The following ZEB2 variants were observed in gnomAD, a reference collection of about 807,000 sequenced individuals.
The protein encoded by ZEB2 is zinc finger E-box-binding homeobox 2.
Under a neutral mutation model 99.9 loss-of-function variants are expected in ZEB2, and 6 were observed. The ratio of observed to expected loss-of-function variants is 0.06; its 90% CI spans 0.03 to 0.12. The LOEUF (loss-of-function observed/expected upper bound fraction) is 0.12. Ranked by LOEUF, ZEB2 falls within the 10% of genes least tolerant of loss-of-function variation. The probability of loss-of-function intolerance (pLI) is 1.00; values close to 1 mark genes in which losing one functional copy is unlikely to be tolerated. For missense variants in ZEB2, 969 were observed against 1,502.8 expected, an observed-to-expected ratio of 0.64 and a Z score of 5.87; for synonymous variants, 517 against 542.5, an observed-to-expected ratio of 0.95 and a Z score of 0.65.
intron 2 of ZEB2, among the ~76,000 whole-genome samples, chr2:144,455,394 T>C (rs1704108246): frequency 6.6e-6 from 1 of 152,162 alleles, no homozygotes; most frequent in Non-Finnish European, 1.5e-5. Flanking sequence ...TGCAGCTCCA[T>C]AGTAATGTAG....
intron 2 of ZEB2, chr2:144,512,366 C>G: frequency 7.8e-7 from 1 of 1,287,238 alleles, no homozygotes; most frequent in Non-Finnish European, 1.0e-6. Context: ...ATAAACGCGG[C>G]ACTGCTAGAG....
In ZEB2 at chr2:144,511,841, C is replaced by A. The variant is rs753658676; in HGVS notation, c.73+5437G>T. ...TAGGGCTATATTTATTGGTTTAAAT[C>A]ATCCTTCCCTCTGCTCTGAATTATT... is the stretch of plus-strand genomic sequence containing the variant. On this transcript the variant is annotated intron_variant, in intron 2 of 9. Transcript: ENST00000627532. 21 of 1,287,190 alleles carry A rather than the reference C, an allele frequency of 1.6e-5. No individual in the cohort carries two copies. In the South Asian group the frequency reaches 2.5e-4, roughly 15 times the overall value. The allele number at this position is 1,287,190 out of a possible 1,614,324, so 79.7% of individuals were successfully genotyped here.
chr2:144,502,770 A>C (rs1252787364), intron 2 of ZEB2, among the ~76,000 whole-genome samples: 1 of 152,180 alleles, frequency 6.6e-6, no homozygotes, highest in Non-Finnish European at 1.5e-5. Context: ...AGGGATTTTC[A>C]TAACAATTAT....
intron 6 of ZEB2, among the ~76,000 whole-genome samples, chr2:144,402,123 A>G (rs923734445): frequency 1.3e-5 from 2 of 152,200 alleles, no homozygotes; most frequent in African/African-American, 4.8e-5. Context: ...CTGAAAAGAC[A>G]AGTTAAAAGC....
At chr2:144,449,423 C>T (rs1322972588) in intron 2 of ZEB2, among the ~76,000 whole-genome samples, 2 of 152,184 alleles carry the variant, frequency 1.3e-5, no homozygotes, top group Admixed American at 6.5e-5. Flanking sequence ...CACAGCTCCC[C>T]CTTCCACTCC....
At chr2:144,444,971 A>T (rs1190295399) in intron 2 of ZEB2, 1 of 152,210 alleles carries the variant, frequency 6.6e-6, no homozygotes, top group Non-Finnish European at 1.5e-5. Flanking sequence ...TAATGATCTG[A>T]TCTCATTCTA....
chr2:144,491,358 A>G (rs1001069820), intron 2 of ZEB2, among the ~76,000 whole-genome samples: 1 of 69,736 alleles, frequency 1.4e-5, no homozygotes, highest in Non-Finnish European at 3.3e-5. Flanking sequence ...TTCTCAAGAG[A>G]AAAAAAAAAA....
At chr2:144,517,003 G>A (rs1413438494) in intron 2 of ZEB2, among the ~76,000 whole-genome samples, 4 of 149,792 alleles carry the variant, frequency 2.7e-5, no homozygotes, top group African/African-American at 9.7e-5. Context: ...GGGCTCGAGG[G>A]GGGCAGCGGG....
intron 2 of ZEB2, among the ~76,000 whole-genome samples, chr2:144,464,842 T>G (rs549327177): frequency 6.6e-6 from 1 of 152,344 alleles, no homozygotes; most frequent in African/African-American, 2.4e-5. Flanking sequence ...CTGTGACAGG[T>G]ACTTCTACCT....
chr2:144,406,961 A>C (rs998777771), intron 4 of ZEB2, among the ~76,000 whole-genome samples: 2 of 152,230 alleles, frequency 1.3e-5, no homozygotes, highest in Non-Finnish European at 2.9e-5. Flanking sequence ...CCTCAGATTC[A>C]TCTGGGAAAG....
At chr2:144,402,059 T>TAAA (rs1233577744) in intron 6 of ZEB2, among the ~76,000 whole-genome samples, 2 of 152,212 alleles carry the variant, frequency 1.3e-5, no homozygotes, top group African/African-American at 4.8e-5. Flanking sequence ...GACTTTTCAT[T>TAAA]TTCCTTTTTA....
intron 2 of ZEB2, among the ~76,000 whole-genome samples, chr2:144,482,544 T>C (rs1031600889): frequency 6.6e-6 from 1 of 152,236 alleles, no homozygotes. Context: ...CCTTAAAACA[T>C]CCCTTTCAAT....
intron 2 of ZEB2, among the ~76,000 whole-genome samples, chr2:144,440,509 ATATATATTTTTT>A (rs1269664705): frequency 9.0e-4 from 26 of 28,932 alleles, no homozygotes; most frequent in African/African-American, 2.1e-3. Context: ...ATATATATAT[ATATATATTTTTT>A]TTTTTTTTTT....
At chr2:144,405,798 TC>T (rs1169257471) in intron 4 of ZEB2, among the ~76,000 whole-genome samples, 1 of 152,230 alleles carries the variant, frequency 6.6e-6, no homozygotes, top group Admixed American at 6.5e-5. Flanking sequence ...TAATTATGAC[TC>T]TATTCCTGTG....
chr2:144,497,506 A>T (rs1022449440), intron 2 of ZEB2, among the ~76,000 whole-genome samples: 2 of 151,990 alleles, frequency 1.3e-5, no homozygotes, highest in African/African-American at 4.8e-5. Flanking sequence ...CAATGAGAAA[A>T]TTTTTCTTTT....
chr2:144,412,850 C>T (rs182635020), intron 4 of ZEB2, among the ~76,000 whole-genome samples: 4 of 152,252 alleles, frequency 2.6e-5, no homozygotes, highest in Admixed American at 2.6e-4. Context: ...CTTTCTCTTA[C>T]GTGTCTGTGA....
At chr2:144,438,443 G>T (rs930580778) in intron 2 of ZEB2, among the ~76,000 whole-genome samples, 1 of 151,908 alleles carries the variant, frequency 6.6e-6, no homozygotes, top group African/African-American at 2.4e-5. Context: ...TAGAGTCATA[G>T]GTCTTTAGAA....
chr2:144,518,898 G>C (rs1052560573), intron 1 of ZEB2: 5 of 152,172 alleles, frequency 3.3e-5, no homozygotes, highest in Non-Finnish European at 7.4e-5. Flanking sequence ...GTGTGTGTGA[G>C]AGAGAGAGAC....
intron 2 of ZEB2, chr2:144,516,102 C>T (rs1381185015): frequency 6.6e-6 from 1 of 152,220 alleles, no homozygotes; most frequent in African/African-American, 2.4e-5. Context: ...GGTGATCGGG[C>T]TGAGAGCGAG....
Sources: gnomAD v4.1 joint callset for allele counts (sites outside exome capture counted in the v4.1 genomes callset) on GRCh38, gnomAD v4.1.1 for gene constraint, MANE v1.5 for transcripts, NCBI Gene and HGNC (gene_info 2026-07-23, HGNC 2026-07-21) for gene names.